Variants in ARHGAP20 observed in about 807,000 individuals in gnomAD.
ARHGAP20 encodes the protein Rho GTPase activating protein 20, also known as rho GTPase-activating protein 20.
In ARHGAP20, 34 loss-of-function variants were observed where a neutral mutation model predicts 73.7. The ratio of observed to expected loss-of-function variants is 0.46; its 90% CI spans 0.35 to 0.61. The LOEUF (loss-of-function observed/expected upper bound fraction) is 0.61. Ranked by LOEUF, ARHGAP20 falls within the 20% of genes least tolerant of loss-of-function variation. The pLI, the probability that ARHGAP20 is intolerant of heterozygous loss-of-function variation, is 0.00. For missense variants in ARHGAP20, 1,314 were observed against 1,420.9 expected (o/e 0.92, Z 1.21); for synonymous variants, 523 against 518.2 (o/e 1.01, Z -0.13).
chr11:110,672,923 C>A (rs1053820729), intron 2 of ARHGAP20, among the ~76,000 whole-genome samples: 3 of 152,148 alleles, frequency 2.0e-5, no homozygotes, highest in Non-Finnish European at 2.9e-5. Flanking sequence ...AAAGATCTCA[C>A]AAATGTTGAT....
At chr11:110,695,001 A>G (rs2135126825) in intron 1 of ARHGAP20, among the ~76,000 whole-genome samples, 1 of 151,816 alleles carries the variant, frequency 6.6e-6, no homozygotes, top group South Asian at 2.1e-4. Flanking sequence ...ATAGACAGCA[A>G]GAGTATACCT....
At chr11:110,644,783 TGTC>T (rs1949151610) in intron 2 of ARHGAP20, among the ~76,000 whole-genome samples, 1 of 152,042 alleles carries the variant, frequency 6.6e-6, no homozygotes, top group Admixed American at 6.6e-5. Context: ...AAACAAAAAC[TGTC>T]AAGTGGGACC....
At chr11:110,593,868 T>C (rs1361172433) in intron 9 of ARHGAP20, among the ~76,000 whole-genome samples, 1 of 152,264 alleles carries the variant, frequency 6.6e-6, no homozygotes, top group Non-Finnish European at 1.5e-5. Context: ...TACCCACTCA[T>C]GGCTTGACTC....
chr11:110,619,563 A>AGTATATGTAGTGATAGC (rs1565442055), intron 4 of ARHGAP20, among the ~76,000 whole-genome samples: 1 of 151,056 alleles, frequency 6.6e-6, no homozygotes, highest in Non-Finnish European at 1.5e-5. Flanking sequence ...GCAGTGATAG[A>AGTATATGTAGTGATAGC]GTATATGTAG....
chr11:110,633,810 G>C (rs765074464), intron 2 of ARHGAP20, among the ~76,000 whole-genome samples: 6 of 152,184 alleles, frequency 3.9e-5, no homozygotes, highest in Non-Finnish European at 8.8e-5. Flanking sequence ...AATGTACTGA[G>C]TCTGAAATTA....
rs11311003 is a variant in ARHGAP20, at chr11:110,634,942, G to GT, written c.189-4151dup. On this transcript the variant is annotated intron_variant, in intron 2 of 14. Coordinates refer to ENST00000683387, the MANE Select transcript of ARHGAP20 (RefSeq NM_001384657.1). ...AGTCATAATAATGACAATGAGAACAGTTTTTTTTTTAAATTAGTCTAATTA... is the reference window on the plus strand; with the variant it reads ...AGTCATAATAATGACAATGAGAACAGTTTTTTTTTTTAAATTAGTCTAATTA... Among the ~76,000 whole-genome samples the GT allele has an allele frequency of 2.6e-3, 387 of 150,544 alleles. 3 individuals are homozygous for GT. The highest frequency in any genetic ancestry group is 5.6e-3 in the Admixed American group (84 of 15,074).
Position 110,712,305 on chromosome 11 carries a change from G to GGCGAGGACGCGCGGGCGGAGGC in ARHGAP20, c.-96_-75dup, listed in dbSNP as rs1950684017. The GGCGAGGACGCGCGGGCGGAGGC allele has an allele frequency of 1.7e-6, 2 of 1,199,346 alleles. No homozygotes were observed. The highest frequency in any genetic ancestry group is 1.1e-6 in the Non-Finnish European group (1 of 942,126). 74.3% of individuals were successfully genotyped at this position (1,199,346 alleles called of 1,614,324 possible). ...ATGTCCGCGGGCTGCCGGCCGGAGG[G>GGCGAGGACGCGCGGGCGGAGGC]GCGAGGACGCGCGGGCGGAGGCGCG... is the stretch of plus-strand genomic sequence containing the variant. On this transcript the variant is annotated 5_prime_UTR_variant, in exon 1 of 15. Coordinates refer to ENST00000683387, the MANE Select transcript of ARHGAP20 (RefSeq NM_001384657.1).
At chr11:110,680,119 T>C (rs775380305) in intron 2 of ARHGAP20, among the ~76,000 whole-genome samples, 1 of 152,174 alleles carries the variant, frequency 6.6e-6, no homozygotes, top group Non-Finnish European at 1.5e-5. Flanking sequence ...TGAAACATTA[T>C]ATAACAGTTA....
chr11:110,635,257 G>T (rs1413273482), intron 2 of ARHGAP20, among the ~76,000 whole-genome samples: 2 of 151,952 alleles, frequency 1.3e-5, no homozygotes, highest in Non-Finnish European at 2.9e-5. Context: ...CTCCTGATCA[G>T]CATCATCATC....
intron 4 of ARHGAP20, among the ~76,000 whole-genome samples, chr11:110,623,471 C>T (rs2134931432): frequency 6.6e-6 from 1 of 152,312 alleles, no homozygotes; most frequent in East Asian, 1.9e-4. Flanking sequence ...CAACCCCATC[C>T]TAGCATAGGA....
At chr11:110,581,533 C>T (rs994897428) in intron 14 of ARHGAP20, among the ~76,000 whole-genome samples, 2 of 152,122 alleles carry the variant, frequency 1.3e-5, no homozygotes, top group African/African-American at 4.8e-5. Flanking sequence ...TAAGTATATC[C>T]AGATTCTGAG....
chr11:110,645,532 C>G (rs1949172992), intron 2 of ARHGAP20, among the ~76,000 whole-genome samples: 1 of 152,098 alleles, frequency 6.6e-6, no homozygotes, highest in Non-Finnish European at 1.5e-5. Flanking sequence ...GAAATGTCAA[C>G]TAATTCAGCT....
intron 1 of ARHGAP20, among the ~76,000 whole-genome samples, chr11:110,698,941 T>C (rs961654418): frequency 6.6e-6 from 1 of 151,888 alleles, no homozygotes; most frequent in Admixed American, 6.6e-5. Context: ...TTGTTATTTC[T>C]TTTTTTGTGC....
In ARHGAP20 at chr11:110,592,125, C is replaced by T. The variant is rs762760531; in HGVS notation, c.995G>A (p.Arg332Lys). 3.7e-6 allele frequency: 6 copies of T among 1,614,056 alleles called. No individual in the cohort carries two copies. The highest frequency in any genetic ancestry group is 2.2e-5 in the South Asian group (2 of 91,040). Reference sequence around the variant, plus strand: ...CCAGAAGGCCCAGTTTATGATAGATCTTCTCCTTTTAAATGTCTTATGACC... The same window carrying T: ...CCAGAAGGCCCAGTTTATGATAGATTTTCTCCTTTTAAATGTCTTATGACC... ...DSGHKTFKRRRSIINWAFWRG... is the reference protein window; with the variant it reads ...DSGHKTFKRRKSIINWAFWRG... The change falls in exon 10 of 15, where the codon AGA becomes AAA. Residue 332 changes from arginine to lysine, a missense_variant. Around this residue, in one of 3 missense-constraint regions of ARHGAP20, gnomAD observed 443 missense variants for 466.4 expected, o/e 0.95. Transcript: ENST00000683387.
chr11:110,706,835 C>T (rs370246945), intron 1 of ARHGAP20, among the ~76,000 whole-genome samples: 3 of 152,284 alleles, frequency 2.0e-5, no homozygotes, highest in African/African-American at 7.2e-5. Context: ...CCTGCCAACA[C>T]AATCTCACGT....
chr11:110,670,763 T>C (rs2135066689), intron 2 of ARHGAP20, among the ~76,000 whole-genome samples: 1 of 152,080 alleles, frequency 6.6e-6, no homozygotes, highest in African/African-American at 2.4e-5. Context: ...CTCATGAACA[T>C]AGACTGAAAA....
At chr11:110,661,223 G>A (rs1565464733) in intron 2 of ARHGAP20, among the ~76,000 whole-genome samples, 1 of 152,044 alleles carries the variant, frequency 6.6e-6, no homozygotes, top group African/African-American at 2.4e-5. Context: ...GTCTATTTCA[G>A]TATCCAGGTG....
At chr11:110,704,565 A>C (rs1591194827) in intron 1 of ARHGAP20, among the ~76,000 whole-genome samples, 1 of 149,320 alleles carries the variant, frequency 6.7e-6, no homozygotes, top group East Asian at 2.0e-4. Flanking sequence ...ATAAAATATA[A>C]TATAAACTGG....
At chr11:110,709,791 T>G (rs1051423108) in intron 1 of ARHGAP20, among the ~76,000 whole-genome samples, 1 of 152,198 alleles carries the variant, frequency 6.6e-6, no homozygotes, top group East Asian at 1.9e-4. Context: ...TGAATTTTAT[T>G]ATAAATGGAT....
Sources: allele counts gnomAD v4.1 joint callset (sites outside exome capture counted in the v4.1 genomes callset), GRCh38; gene constraint gnomAD v4.1.1; regional missense constraint gnomAD v4.1.1; transcripts MANE v1.5; gene names NCBI Gene and HGNC (gene_info 2026-07-23, HGNC 2026-07-21).